The following FGFR2 variants were observed in gnomAD, a reference collection of about 807,000 sequenced individuals.
FGFR2 encodes the protein BEK fibroblast growth factor receptor.
A neutral mutation model predicts 95.9 loss-of-function variants in FGFR2; 19 were observed. That is an observed-to-expected ratio of 0.20 (90% CI 0.14 to 0.29). The LOEUF is 0.29. Among genes scored for constraint, FGFR2 ranks in the 10% least tolerant of loss-of-function variants. The probability of loss-of-function intolerance (pLI) is 1.00; values close to 1 mark genes in which losing one functional copy is unlikely to be tolerated. For synonymous variants in FGFR2, 392 were observed against 393.3 expected (o/e 1.00, Z 0.04); for missense variants, 707 against 1,056.9 (o/e 0.67, Z 4.59).
At chr10:121,578,143 A>AC (rs909044386) in intron 2 of FGFR2, among the ~76,000 whole-genome samples, 2 of 152,014 alleles carry the variant, frequency 1.3e-5, no homozygotes, top group African/African-American at 2.4e-5. Context: ...GCCACCGCAG[A>AC]CCCCCAGAGG....
chr10:121,508,227 G>A (rs1389303482), intron 9 of FGFR2, among the ~76,000 whole-genome samples: 1 of 152,194 alleles, frequency 6.6e-6, no homozygotes, highest in East Asian at 1.9e-4. Context: ...ATTAAAGGCT[G>A]ACTGCAGAAG....
At chr10:121,571,259 T>G (rs1469503444) in intron 2 of FGFR2, among the ~76,000 whole-genome samples, 4 of 145,488 alleles carry the variant, frequency 2.7e-5, no homozygotes, top group Non-Finnish European at 4.5e-5. Flanking sequence ...CCTCCCAAAG[T>G]GCTGGGATTA....
intron 2 of FGFR2, among the ~76,000 whole-genome samples, chr10:121,566,985 A>G (rs1857769479): frequency 6.6e-6 from 1 of 152,162 alleles, no homozygotes; most frequent in Non-Finnish European, 1.5e-5. Flanking sequence ...ACGAGGGCCC[A>G]AGAAGGAGGC....
At chr10:121,521,499 T>C (rs1850532053) in intron 6 of FGFR2, among the ~76,000 whole-genome samples, 2 of 150,148 alleles carry the variant, frequency 1.3e-5, no homozygotes, top group Admixed American at 1.3e-4. Context: ...GACTTAACTA[T>C]GCATTTCTCC....
chr10:121,504,490 C>G lies in FGFR2; in HGVS notation c.1288-549G>C, dbSNP rs189647689. 2.0e-4 allele frequency among the ~76,000 whole-genome samples: 30 copies of G among 152,292 alleles called. No individual in the cohort carries two copies. In the East Asian group the frequency reaches 5.8e-3, roughly 29 times the overall value. On this transcript the variant is annotated intron_variant, in intron 9 of 17. Transcript: ENST00000358487. ...GAATGTGGAAGACATTCAGTAGCTC[C>G]GAGTCCCTTTAACTCAAAATAACCC...
At chr10:121,595,748 CT>C (rs1243916960) in intron 1 of FGFR2, among the ~76,000 whole-genome samples, 1 of 152,234 alleles carries the variant, frequency 6.6e-6, no homozygotes, top group Non-Finnish European at 1.5e-5. Flanking sequence ...CCCCAGGCTC[CT>C]TCCCCGGCCT....
chr10:121,513,996 A>G (rs1392574547), intron 9 of FGFR2, among the ~76,000 whole-genome samples: 1 of 152,158 alleles, frequency 6.6e-6, no homozygotes, highest in Admixed American at 6.5e-5. Context: ...CGGGAGAGGC[A>G]TGCCTGGAAT....
At chr10:121,510,646 G>C (rs1848932723) in intron 9 of FGFR2, among the ~76,000 whole-genome samples, 1 of 152,002 alleles carries the variant, frequency 6.6e-6, no homozygotes, top group Admixed American at 6.6e-5. Context: ...ACTGGCTACT[G>C]AGTCACACAT....
intron 4 of FGFR2, among the ~76,000 whole-genome samples, chr10:121,563,870 T>A (rs979389759): frequency 6.6e-6 from 1 of 152,172 alleles, no homozygotes; most frequent in African/African-American, 2.4e-5. Flanking sequence ...CACCCTTGGC[T>A]CCCTTTTCAA....
rs143688708 is a variant in FGFR2, at chr10:121,502,570, C to T, written c.1439+1220G>A. On this transcript the variant is annotated intron_variant, in intron 10 of 17. Transcript: ENST00000358487. The stretch of plus-strand genomic sequence containing the variant: ...CAGAAGTGCCAGCCACATAAGCTAC[C>T]TCTCCCTTCCAAATAGAGCTCATCA... Among the ~76,000 whole-genome samples the T allele has an allele frequency of 2.6e-5, 4 of 152,272 alleles. No homozygotes were observed. The East Asian group carries it at 7.7e-4, about 29-fold the overall frequency.
In FGFR2 at chr10:121,551,382, G is replaced by T. The variant is rs974173968; in HGVS notation, c.532C>A (p.Arg178Ser). The change falls in exon 5 of 18, where the codon CGC becomes AGC. Residue 178 changes from arginine (R) to serine (S), a missense_variant. By Grantham distance (110) the Arg-to-Ser change is moderately radical. Transcript: ENST00000358487. ...AVPAANTVKF[R>S]CPAGGNPMPT... ...ATTGGGTTCCCCCCGGCTGGGCAGC[G>T]AAACTTGACAGTGTTGGCCGCAGGC... 6.2e-7 allele frequency: 1 copy of T among 1,614,038 alleles called. No homozygotes were observed. The highest frequency in any genetic ancestry group is 1.3e-5 in the African/African-American group (1 of 74,900).
chr10:121,515,074 C>T (rs2134217723), intron 9 of FGFR2, 43 bp downstream of exon 9: 1 of 1,589,830 alleles, frequency 6.3e-7, no homozygotes, highest in Non-Finnish European at 8.6e-7. Context: ...CTGGCTGGGT[C>T]ATGGGGGAGG....
intron 9 of FGFR2, among the ~76,000 whole-genome samples, chr10:121,506,250 T>G (rs1848251991): frequency 6.9e-6 from 1 of 145,018 alleles, no homozygotes; most frequent in Non-Finnish European, 1.5e-5. Context: ...CCCAGCTACT[T>G]GGGAGGCTGA....
chr10:121,563,448 T>C (rs1353374634), intron 4 of FGFR2, among the ~76,000 whole-genome samples: 2 of 152,122 alleles, frequency 1.3e-5, no homozygotes, highest in Non-Finnish European at 2.9e-5. Context: ...ATGTACCAAA[T>C]TGACTAAAAT....
chr10:121,485,124 C>G lies in FGFR2; in HGVS notation c.2195+271G>C, dbSNP rs1419997732. ...CCCAGGAAGACCACTCCTGCTGGCT[C>G]TGCAAAGTCAGGAGCCCTCAGCCAG... On this transcript the variant is annotated intron_variant, in intron 16 of 17. Transcript: ENST00000358487. The surrounding 1 kb of genome is among the most constrained non-coding windows in gnomAD (Gnocchi z 4.2). Among the ~76,000 whole-genome samples the G allele has an allele frequency of 1.3e-5, 2 of 152,122 alleles. No individual in the cohort carries two copies. The highest frequency in any genetic ancestry group is 2.9e-5 in the Non-Finnish European group (2 of 68,008).
intron 13 of FGFR2, among the ~76,000 whole-genome samples, chr10:121,492,526 A>G (rs922173158): frequency 6.6e-6 from 1 of 152,202 alleles, no homozygotes; most frequent in Non-Finnish European, 1.5e-5. Flanking sequence ...TAACGATGTA[A>G]TCAACAGTTC....
At chr10:121,487,285 A>T in intron 15 of FGFR2, 69 bp downstream of exon 15, 1 of 1,244,090 alleles carries the variant, frequency 8.0e-7, no homozygotes, top group Non-Finnish European at 1.2e-6. Context: ...GAAGGAAGAA[A>T]GGTGAAGTAC....
intron 4 of FGFR2, among the ~76,000 whole-genome samples, chr10:121,558,613 T>G (rs1041049446): frequency 2.7e-5 from 4 of 150,562 alleles, no homozygotes; most frequent in Admixed American, 1.3e-4. Flanking sequence ...GTTTTTTGTT[T>G]TTTTTTTTTT....
chr10:121,500,564 G>A (rs1316621285), intron 11 of FGFR2, among the ~76,000 whole-genome samples: 9 of 152,132 alleles, frequency 5.9e-5, no homozygotes, highest in Admixed American at 5.2e-4. Flanking sequence ...GAAGAATTGT[G>A]GTCACGAAGA....
Sources: gnomAD v4.1 joint callset for allele counts (sites outside exome capture counted in the v4.1 genomes callset) on GRCh38, gnomAD v4.1.1 for gene constraint, Gnocchi (gnomAD v3.1) non-coding constraint, MANE v1.5 for transcripts, NCBI Gene and HGNC (gene_info 2026-07-23, HGNC 2026-07-21) for gene names.